Variants in MSLN observed in about 807,000 individuals in gnomAD.
MSLN encodes CAK1 antigen.
MSLN carries 82 observed loss-of-function variants against 72.6 expected under a neutral mutation model. The ratio of observed to expected loss-of-function variants is 1.13; its 90% CI spans 0.94 to 1.36. The LOEUF (loss-of-function observed/expected upper bound fraction) is 1.36. Ranked by LOEUF, MSLN falls within the 40% of genes most tolerant of loss-of-function variation. MSLN has a pLI of 0.00. For synonymous variants in MSLN, 456 were observed against 387.3 expected, an observed-to-expected ratio of 1.18 and a Z score of -2.08; for missense variants, 1,005 against 847.9, an observed-to-expected ratio of 1.19 and a Z score of -2.30.
At position 768,836 on chromosome 16, in the gene MSLN, T is replaced by A; in HGVS notation, c.*103T>A. 8.8e-7 allele frequency: 1 copy of A among 1,141,008 alleles called. No individual in the cohort carries two copies. Among genetic ancestry groups the A allele is most frequent in the Non-Finnish European group, 1.3e-6 (1 of 779,702 alleles). The allele number at this position is 1,141,008 out of a possible 1,614,324, so 70.7% of individuals were successfully genotyped here. A position where few individuals can be genotyped will look rare whatever the true frequency, so the allele number is the denominator to read the frequency against. ...CCACCCCAAGAGAACTCGCGCTCAG[T>A]AAACGGGAACATGCCCCCTGCAGAC... On this transcript the variant is annotated 3_prime_UTR_variant, in exon 18 of 18. Coordinates refer to ENST00000545450, the MANE Select transcript of MSLN (RefSeq NM_005823.6).
At position 765,448 on chromosome 16, in the gene MSLN, C is replaced by T; in HGVS notation, c.705-79C>T. On this transcript the variant is annotated intron_variant, in intron 9 of 17. Transcript: ENST00000545450. The stretch of plus-strand genomic sequence containing the variant: ...AATGCCCCCAGCGTCCCCTCCACAG[C>T]CAGGGGGTACGGCCTGGCCTCTTCC... 6 of 1,451,600 alleles carry T rather than the reference C, an allele frequency of 4.1e-6. No homozygotes were observed. The South Asian group carries it at 6.5e-5, about 16-fold the overall frequency. 89.9% of individuals were successfully genotyped at this position (1,451,600 alleles called of 1,614,324 possible). A position where few individuals can be genotyped will look rare whatever the true frequency, so the allele number is the denominator to read the frequency against.
chr16:765,368 A>G (rs2041592708), intron 9 of MSLN, 65 bp downstream of exon 9: 1 of 1,464,372 alleles, frequency 6.8e-7, no homozygotes. Flanking sequence ...GCGTGAGGAC[A>G]CTTGCGGCCA....
At chr16:768,021 G>A (rs1438619801) in intron 16 of MSLN, among the ~76,000 whole-genome samples, 1 of 60,506 alleles carries the variant, frequency 1.7e-5, no homozygotes, top group Non-Finnish European at 2.9e-5. Flanking sequence ...CGCATGGGGG[G>A]GTGTGGAGGG....
chr16:760,752 C>A lies in MSLN; in HGVS notation c.-181C>A, dbSNP rs1039907063. 1 of 152,332 alleles carries A rather than the reference C, an allele frequency of 6.6e-6. No individual in the cohort carries two copies. Among genetic ancestry groups the A allele is most frequent in the African/African-American group, 2.4e-5 (1 of 41,452 alleles). The allele number at this position is 152,332 out of a possible 1,614,324, so 9.4% of individuals were successfully genotyped here. A position where few individuals can be genotyped will look rare whatever the true frequency, so the allele number is the denominator to read the frequency against. On this transcript the variant is annotated 5_prime_UTR_variant, in exon 1 of 18. Transcript: ENST00000545450. ...CAAAGCCGTCATTTGTTCCCTTTGA[C>A]GGCCCGGGAGGCTGCCAGGCTCTCC...
At chr16:766,640 C>A (rs765656702) in intron 13 of MSLN, 28 bp from the exon 14 acceptor site, 4 of 1,611,980 alleles carry the variant, frequency 2.5e-6, no homozygotes, top group Non-Finnish European at 3.4e-6. Context: ...CTCCTTGCCA[C>A]AAGGCTCCTC....
rs1388261747 is a variant in MSLN, at chr16:766,508, G to T, written c.1230+18G>T. On this transcript the variant is annotated intron_variant, in intron 13 of 17. Coordinates refer to ENST00000545450, the MANE Select transcript of MSLN (RefSeq NM_005823.6). ...GTCCTCAGGTGACCGTCCGGCTCGGGGGTCATGTGGCATGAGATTGGGAAG... is the reference window on the plus strand; with the variant it reads ...GTCCTCAGGTGACCGTCCGGCTCGGTGGTCATGTGGCATGAGATTGGGAAG... 2.5e-6 allele frequency: 4 copies of T among 1,612,400 alleles called. No homozygotes were observed. Among genetic ancestry groups the T allele is most frequent in the East Asian group, 2.2e-5 (1 of 44,864 alleles).
chr16:767,334 G>A (rs377529423), intron 15 of MSLN, 42 bp from the exon 16 acceptor site: 40 of 1,546,028 alleles, frequency 2.6e-5, no homozygotes, highest in Non-Finnish European at 2.9e-5. Context: ...GCCTGGGGGT[G>A]TGAGGTGAGG....
chr16:761,629 TG>T (rs3215494), intron 2 of MSLN, among the ~76,000 whole-genome samples: 61,684 of 152,004 alleles, frequency 0.41, 14,865 homozygotes, highest in African/African-American at 0.67. Context: ...TTTCTGGCTG[TG>T]GGGGGGGTCT....
At chr16:761,713 G>A (rs2041538987) in intron 2 of MSLN, among the ~76,000 whole-genome samples, 1 of 152,192 alleles carries the variant, frequency 6.6e-6, no homozygotes, top group Admixed American at 6.5e-5. Flanking sequence ...TGGGGGAGTA[G>A]AGTCTGTCAC....
Position 766,973 on chromosome 16 carries a change from A to G in MSLN, c.1462A>G (p.Asn488Asp), listed in dbSNP as rs35317722. 6,948 of 1,612,582 alleles carry G rather than the reference A, an allele frequency of 4.3e-3. 266 individuals carry two copies. In the African/African-American group the frequency reaches 0.079, roughly 18 times the overall value. The part of the protein sequence containing the change: ...PKARLAFQNM[N>D]GSEYFVKIQS... ...GGCCCGCCTTGCTTTCCAGAACATG[A>G]ACGGGTCCGAATACTTCGTGAAGAT... is the stretch of plus-strand genomic sequence containing the variant. The change falls in exon 15 of 18, where the codon AAC (asparagine) becomes GAC (aspartate). Residue 488 changes from asparagine to aspartate, a missense_variant. Transcript: ENST00000545450.
chr16:768,270 CG>C, intron 16 of MSLN, 108 bp from the exon 17 acceptor site: 3 of 1,142,820 alleles, frequency 2.6e-6, no homozygotes, highest in Non-Finnish European at 3.6e-6. Context: ...GGAGAGGCTG[CG>C]GTGGGCATCT....
chr16:768,628 A>AGTCACCCCTCTCTCTGT lies in MSLN; in HGVS notation c.1784-19_1784-3dup, dbSNP rs1488709708. The stretch of plus-strand genomic sequence containing the variant: ...TGGGGGCGTGGAGGTGGGCGCTCTG[A>AGTCACCCCTCTCTCTGT]GTCACCCCTCTCTCTGTAGAGGCCC... On this transcript the variant is annotated intron_variant, in intron 17 of 17. Transcript: ENST00000545450. 2 of 1,610,814 alleles carry AGTCACCCCTCTCTCTGT rather than the reference A, an allele frequency of 1.2e-6. No homozygotes were observed. The highest frequency in any genetic ancestry group is 1.7e-6 in the Non-Finnish European group (2 of 1,179,202).
intron 4 of MSLN, 77 bp from the exon 5 acceptor site, chr16:763,565 C>T (rs2151614091): frequency 2.8e-6 from 4 of 1,429,214 alleles, no homozygotes; most frequent in East Asian, 2.4e-5. Flanking sequence ...AGTACCTGGC[C>T]CAGGGGTAGC....
In MSLN at chr16:766,122, A is replaced by G; in HGVS notation, c.959A>G (p.Lys320Arg). The G allele has an allele frequency of 1.2e-6, 2 of 1,612,748 alleles. No homozygotes were observed. The highest frequency in any genetic ancestry group is 1.7e-6 in the Non-Finnish European group (2 of 1,179,918). ...GACGAGAGCCTCATCTTCTACAAGA[A>G]GTGGGAGCTGGAAGCCTGCGTGGAT... is the stretch of plus-strand genomic sequence containing the variant. ...EIDESLIFYK[K>R]WELEACVDAA... Residue 320 changes from lysine (K) to arginine (R), a missense_variant, in exon 12 of 18, where the codon AAG becomes AGG. By Grantham distance (26) the Lys-to-Arg change is conservative (BLOSUM62 2). Transcript: ENST00000545450.
intron 12 of MSLN, 45 bp from the exon 13 acceptor site, chr16:766,290 C>G: frequency 6.2e-7 from 1 of 1,610,248 alleles, no homozygotes; most frequent in Non-Finnish European, 8.5e-7. Flanking sequence ...CCATCCCCAG[C>G]CCCTCTGGGA....
intron 3 of MSLN, 49 bp downstream of exon 3, chr16:762,814 T>G (rs368072925): frequency 2.9e-5 from 42 of 1,451,392 alleles, no homozygotes; most frequent in Non-Finnish European, 3.7e-5. Context: ...CCCAGGGGCC[T>G]TGGGGGCCAG....
intron 12 of MSLN, 36 bp from the exon 13 acceptor site, chr16:766,299 G>A: frequency 1.2e-6 from 2 of 1,610,952 alleles, no homozygotes; most frequent in Non-Finnish European, 1.7e-6. Flanking sequence ...GCCCCTCTGG[G>A]AGTGACATGG....
chr16:766,878 TC>T lies in MSLN; in HGVS notation c.1374-3del. On this transcript the variant is annotated splice_region_variant and splice_polypyrimidine_tract_variant and intron_variant, in intron 14 of 17. Transcript: ENST00000545450. ...TGGCGCTCACTGTCCACCCACCGTG[TC>T]CCCAGGGCGGTCAGGCCCCAGGACC... is the stretch of plus-strand genomic sequence containing the variant. 1 of 1,612,438 alleles carries T rather than the reference TC, an allele frequency of 6.2e-7. No individual in the cohort carries two copies. Among genetic ancestry groups the T allele is most frequent in the Non-Finnish European group, 8.5e-7 (1 of 1,179,864 alleles).
At position 766,987 on chromosome 16, in the gene MSLN, C is replaced by T; in HGVS notation, c.1476C>T (p.Tyr492=). Residue 492 remains tyrosine (Y), a synonymous_variant, in exon 15 of 18, where the codon TAC becomes TAT. Transcript: ENST00000545450. ...TCCAGAACATGAACGGGTCCGAATA[C>T]TTCGTGAAGATCCAGTCCTTCCTGG... is the stretch of plus-strand genomic sequence containing the variant. The part of the protein sequence containing the change: ...LAFQNMNGSE[Y]FVKIQSFLGG... 6.2e-7 allele frequency: 1 copy of T among 1,612,660 alleles called. No individual in the cohort carries two copies. The highest frequency in any genetic ancestry group is 1.1e-5 in the South Asian group (1 of 91,080).
Sources: gnomAD v4.1 joint callset for allele counts (sites outside exome capture counted in the v4.1 genomes callset) on GRCh38, gnomAD v4.1.1 for gene constraint, MANE v1.5 for transcripts, NCBI Gene and HGNC (gene_info 2026-07-23, HGNC 2026-07-21) for gene names.